CYTH1: variants seen among roughly 807,000 people sequenced by gnomAD.
CYTH1 encodes the protein cytohesin-1.
Under a neutral mutation model 61.8 loss-of-function variants are expected in CYTH1, and 18 were observed. That is an observed-to-expected ratio of 0.29 (90% CI 0.20 to 0.43). CYTH1 has a LOEUF of 0.43. Among genes scored for constraint, CYTH1 ranks in the 20% least tolerant of loss-of-function variants. The pLI is 1.00. For synonymous variants in CYTH1, 174 were observed against 184.3 expected (o/e 0.94, Z 0.45); for missense variants, 336 against 510.5 (o/e 0.66, Z 3.29).
intron 1 of CYTH1, among the ~76,000 whole-genome samples, chr17:78,780,473 G>A (rs1017297920): frequency 1.1e-4 from 16 of 152,176 alleles, no homozygotes; most frequent in East Asian, 3.9e-4. Flanking sequence ...CTATGAGAGC[G>A]CCCCTGCACT....
chr17:78,683,375 A>C (rs985386573), intron 11 of CYTH1, among the ~76,000 whole-genome samples: 2 of 152,174 alleles, frequency 1.3e-5, no homozygotes, highest in Non-Finnish European at 2.9e-5. Flanking sequence ...TCCCATTTGA[A>C]GAGTGGAAGA....
At chr17:78,750,026 G>A (rs965586339) in intron 1 of CYTH1, among the ~76,000 whole-genome samples, 1 of 152,132 alleles carries the variant, frequency 6.6e-6, no homozygotes, top group Non-Finnish European at 1.5e-5. Flanking sequence ...TCAATGGCCA[G>A]GGGGTGAGAA....
At chr17:78,748,924 T>C (rs2093369125) in intron 1 of CYTH1, among the ~76,000 whole-genome samples, 2 of 152,146 alleles carry the variant, frequency 1.3e-5, no homozygotes, top group Non-Finnish European at 2.9e-5. Flanking sequence ...TTTACTCAGC[T>C]GACACAGAGC....
In CYTH1 at chr17:78,738,829, G is replaced by T. The variant is rs143724496; in HGVS notation, c.23-29097C>A. Among the ~76,000 whole-genome samples, 15 of 152,284 alleles carry T rather than the reference G, an allele frequency of 9.9e-5. No homozygotes were observed. The East Asian group carries it at 2.9e-3, about 29-fold the overall frequency. On this transcript the variant is annotated intron_variant, in intron 1 of 13. Coordinates refer to ENST00000446868, the MANE Select transcript of CYTH1 (RefSeq NM_004762.6). ...GTGATCCCAACTTGTAAGAGGGCAG[G>T]TCACTTCTATTTTCTCCCTACTGTC...
At chr17:78,744,642 G>A (rs2093353003) in intron 1 of CYTH1, among the ~76,000 whole-genome samples, 1 of 151,880 alleles carries the variant, frequency 6.6e-6, no homozygotes, top group Non-Finnish European at 1.5e-5. Context: ...TAGACCTTGG[G>A]GGAAAAAAGA....
chr17:78,706,384 C>T (rs1277680528), intron 3 of CYTH1, among the ~76,000 whole-genome samples: 1 of 147,572 alleles, frequency 6.8e-6, no homozygotes, highest in Non-Finnish European at 1.5e-5. Flanking sequence ...GTTCTAGATG[C>T]TCACGCATGG....
rs1425428616 is a variant in CYTH1 at position 78,747,961 on chromosome 17, C to T, written c.22+34241G>A. 7.9e-5 allele frequency among the ~76,000 whole-genome samples: 12 copies of T among 152,340 alleles called. No homozygotes were observed. In the East Asian group the frequency reaches 1.9e-3, roughly 24 times the overall value. On this transcript the variant is annotated intron_variant, in intron 1 of 13. Coordinates refer to ENST00000446868, the MANE Select transcript of CYTH1 (RefSeq NM_004762.6). The stretch of plus-strand genomic sequence containing the variant: ...CCTTGAGCCCCTATGCTCGGGTCCA[C>T]TCTCACACTGTGGAGTGTACTTTCA...
At chr17:78,718,218 TACACACACACACAC>T (rs55803104) in intron 1 of CYTH1, among the ~76,000 whole-genome samples, 169 of 128,394 alleles carry the variant, frequency 1.3e-3, no homozygotes, top group Middle Eastern at 3.7e-3. Context: ...AAACACTGAA[TACACACACACACAC>T]ACACACACAC....
In CYTH1 at chr17:78,702,717, G is replaced by A. The variant is rs1046958357; in HGVS notation, c.171-113C>T. ...GTTTTTGAAAGATTTATCCAGGAAA[G>A]CAACAGGCATAATCTGGTGGAACTA... On this transcript the variant is annotated intron_variant, in intron 3 of 13. Transcript: ENST00000446868. The A allele has an allele frequency of 1.0e-5, 12 of 1,149,226 alleles. No homozygotes were observed. The Middle Eastern group carries it at 5.9e-4, about 57-fold the overall frequency. 71.2% of individuals were successfully genotyped at this position (1,149,226 alleles called of 1,614,324 possible). A position where few individuals can be genotyped will look rare whatever the true frequency, so the allele number is the denominator to read the frequency against.
chr17:78,774,401 T>A (rs562049485), intron 1 of CYTH1, among the ~76,000 whole-genome samples: 1 of 152,174 alleles, frequency 6.6e-6, no homozygotes, highest in African/African-American at 2.4e-5. Context: ...ATCCATATCA[T>A]AGAAAAACAA....
At chr17:78,708,331 A>C in intron 2 of CYTH1, 70 bp from the exon 3 acceptor site, 265 of 1,393,526 alleles carry the variant, frequency 1.9e-4, no homozygotes, top group Non-Finnish European at 2.4e-4. Flanking sequence ...CTAAAATCTC[A>C]CATAACTCCC....
At chr17:78,719,802 G>A (rs1408339934) in intron 1 of CYTH1, among the ~76,000 whole-genome samples, 2 of 152,184 alleles carry the variant, frequency 1.3e-5, no homozygotes, top group South Asian at 4.1e-4. Context: ...AGGCCCAGGT[G>A]ACACTTTCTG....
chr17:78,740,063 G>A (rs1051238233), intron 1 of CYTH1, among the ~76,000 whole-genome samples: 1 of 152,202 alleles, frequency 6.6e-6, no homozygotes, highest in Non-Finnish European at 1.5e-5. Context: ...AGCCTCCCGA[G>A]TGGCTGGGAT....
At chr17:78,684,124 G>A (rs188626216) in intron 11 of CYTH1, among the ~76,000 whole-genome samples, 67 of 152,244 alleles carry the variant, frequency 4.4e-4, no homozygotes, top group Admixed American at 1.4e-3. Flanking sequence ...CCTGGTCACC[G>A]GGAGAACCCA....
At position 78,702,326 on chromosome 17, in the gene CYTH1, T is replaced by TG. The variant is rs1051030412; in HGVS notation, c.238-87dup. Reference sequence around the variant, plus strand: ...GAAAGGGCACAGGAAGAAATGGGTGTGGGTGCACTGGAATATTTAATAAAT... The same window carrying TG: ...GAAAGGGCACAGGAAGAAATGGGTGTGGGGTGCACTGGAATATTTAATAAAT... On this transcript the variant is annotated intron_variant, in intron 4 of 13. Coordinates refer to ENST00000446868, the MANE Select transcript of CYTH1 (RefSeq NM_004762.6). 6 of 1,148,918 alleles carry TG rather than the reference T, an allele frequency of 5.2e-6. No homozygotes were observed. In the Admixed American group the frequency reaches 1.2e-4, roughly 22 times the overall value. The allele number at this position is 1,148,918 out of a possible 1,614,324, so 71.2% of individuals were successfully genotyped here. A position where few individuals can be genotyped will look rare whatever the true frequency, so the allele number is the denominator to read the frequency against.
chr17:78,680,105 G>C (rs2092742716), intron 13 of CYTH1, 85 bp downstream of exon 13: 1 of 1,523,378 alleles, frequency 6.6e-7, no homozygotes, highest in East Asian at 2.3e-5. Flanking sequence ...GATGCGGGCG[G>C]CATGTTTAAC....
chr17:78,743,949 T>A (rs1235725862), intron 1 of CYTH1, among the ~76,000 whole-genome samples: 1 of 152,118 alleles, frequency 6.6e-6, no homozygotes, highest in Non-Finnish European at 1.5e-5. Flanking sequence ...GGTAGCTTAT[T>A]TTTGCTTAGA....
Position 78,674,274 on chromosome 17 carries a change from T to TA in CYTH1, c.*1816dup, listed in dbSNP as rs2092672611. The TA allele has an allele frequency of 6.6e-6, 1 of 152,576 alleles. No homozygotes were observed. The highest frequency in any genetic ancestry group is 1.5e-5 in the Non-Finnish European group (1 of 68,038). The allele number at this position is 152,576 out of a possible 1,614,324, so 9.5% of individuals were successfully genotyped here. Reference sequence around the variant, plus strand: ...ATAGATTATTTACACCTCTGATAAATAGACTAATACTGACCCAGGTGCCTC... The same window carrying TA: ...ATAGATTATTTACACCTCTGATAAATAAGACTAATACTGACCCAGGTGCCTC... On this transcript the variant is annotated 3_prime_UTR_variant, in exon 14 of 14. Transcript: ENST00000446868.
In CYTH1 at chr17:78,698,833, T is replaced by A. The variant is rs758333238; in HGVS notation, c.686A>T (p.Glu229Val). The change falls in exon 8 of 14, where the codon GAG becomes GTG. Residue 229 changes from glutamate (E) to valine (V), a missense_variant. Physicochemically the swap from Glu to Val is moderately radical, Grantham distance 121 (BLOSUM62 -2). Around this residue, in one of 4 missense-constraint regions of CYTH1, gnomAD observed 125 missense variants for 209.9 expected, o/e 0.60. Coordinates refer to ENST00000446868, the MANE Select transcript of CYTH1 (RefSeq NM_004762.6). The stretch of plus-strand genomic sequence containing the variant: ...TTCCTTGCTTACCCGGAGGAGCTCC[T>A]CCGGCAGGTCTCCCCCATCATTGAT... Reference protein sequence around the residue: ...RGINDGGDLPEELLRNLYESI... With the variant: ...RGINDGGDLPVELLRNLYESI... 2 of 1,584,244 alleles carry A rather than the reference T, an allele frequency of 1.3e-6. No homozygotes were observed. Among genetic ancestry groups the A allele is most frequent in the Non-Finnish European group, 1.7e-6 (2 of 1,171,554 alleles).
Sources: allele counts gnomAD v4.1 joint callset (sites outside exome capture counted in the v4.1 genomes callset), GRCh38; gene constraint gnomAD v4.1.1; regional missense constraint gnomAD v4.1.1; transcripts MANE v1.5; gene names NCBI Gene and HGNC (gene_info 2026-07-23, HGNC 2026-07-21).